The following HBS1L variants were observed in gnomAD, a reference collection of about 807,000 sequenced individuals.
HBS1L encodes the protein HBS1 like translational GTPase, also known as HBS1-like protein.
Under a neutral mutation model 88.9 loss-of-function variants are expected in HBS1L, and 55 were observed. The observed-to-expected ratio is 0.62, with a 90% CI of 0.50 to 0.77. HBS1L has a LOEUF of 0.77. Among genes scored for constraint, HBS1L ranks in the 30% least tolerant of loss-of-function variants. HBS1L has a pLI of 0.00. For synonymous variants in HBS1L, 267 were observed against 288.5 expected, an observed-to-expected ratio of 0.93 and a Z score of 0.76; for missense variants, 741 against 829.3, an observed-to-expected ratio of 0.89 and a Z score of 1.31.
At chr6:135,044,084 T>A (rs1776835747) in intron 2 of HBS1L, among the ~76,000 whole-genome samples, 1 of 152,202 alleles carries the variant, frequency 6.6e-6, no homozygotes, top group South Asian at 2.1e-4. Flanking sequence ...TGCTTGGCTC[T>A]CCAAGGTCTG....
At chr6:135,013,489 A>G (rs1277794307) in intron 4 of HBS1L, among the ~76,000 whole-genome samples, 1 of 152,224 alleles carries the variant, frequency 6.6e-6, no homozygotes, top group African/African-American at 2.4e-5. Context: ...CTCATTTAGA[A>G]CCATGTCTAA....
At position 134,964,983 on chromosome 6, in the gene HBS1L, G is replaced by GT; in HGVS notation, c.*295dup. 1 of 436,228 alleles carries GT rather than the reference G, an allele frequency of 2.3e-6. No homozygotes were observed. The highest frequency in any genetic ancestry group is 4.7e-5 in the East Asian group (1 of 21,188). 27.0% of individuals were successfully genotyped at this position (436,228 alleles called of 1,614,324 possible). On this transcript the variant is annotated 3_prime_UTR_variant, in exon 18 of 18. Coordinates refer to ENST00000367837, the MANE Select transcript of HBS1L (RefSeq NM_006620.4). ...GTAGAGTTCATTTCATGATGATTCA[G>GT]TATCTTCAGATACTATTTTTGACAC...
chr6:135,054,382 T>C (rs939473874), intron 1 of HBS1L, among the ~76,000 whole-genome samples: 3 of 152,102 alleles, frequency 2.0e-5, no homozygotes, highest in African/African-American at 7.2e-5. Context: ...TATCACCGGA[T>C]CTCAACCTCA....
intron 4 of HBS1L, among the ~76,000 whole-genome samples, chr6:135,034,734 C>A (rs1776484243): frequency 6.6e-6 from 1 of 152,132 alleles, no homozygotes; most frequent in Non-Finnish European, 1.5e-5. Flanking sequence ...ATGCAAAGGG[C>A]CATTAATTCC....
At chr6:135,054,580 G>A in intron 1 of HBS1L, 69 bp downstream of exon 1, 1 of 1,560,644 alleles carries the variant, frequency 6.4e-7, no homozygotes, top group Non-Finnish European at 8.8e-7. Flanking sequence ...AGATTGAAGT[G>A]GATGCCAACG....
chr6:134,986,555 CAT>C (rs1774984065), intron 10 of HBS1L, among the ~76,000 whole-genome samples, 179 bp downstream of exon 10: 2 of 151,924 alleles, frequency 1.3e-5, no homozygotes, highest in Non-Finnish European at 2.9e-5. Flanking sequence ...AAATATTAAA[CAT>C]ATGCAATTTT....
At chr6:135,044,448 AC>A (rs1000753239) in intron 2 of HBS1L, among the ~76,000 whole-genome samples, 4 of 152,182 alleles carry the variant, frequency 2.6e-5, no homozygotes, top group Non-Finnish European at 5.9e-5. Flanking sequence ...AGATAACAAC[AC>A]TGGTATAAGG....
intron 12 of HBS1L, among the ~76,000 whole-genome samples, chr6:134,984,849 T>C (rs1774933839): frequency 6.6e-6 from 1 of 152,160 alleles, no homozygotes; most frequent in African/African-American, 2.4e-5. Flanking sequence ...TAATAATTCT[T>C]TATATTACAT....
intron 4 of HBS1L, among the ~76,000 whole-genome samples, chr6:135,021,732 C>G (rs1039827966): frequency 5.9e-5 from 9 of 152,124 alleles, no homozygotes; most frequent in Non-Finnish European, 1.0e-4. Context: ...GAAAAGGGCA[C>G]TGGAGATTCA....
chr6:134,993,734 T>A (rs773438886), intron 8 of HBS1L, 24 bp downstream of exon 8: 3 of 1,117,110 alleles, frequency 2.7e-6, no homozygotes, highest in Non-Finnish European at 3.9e-6. Context: ...ATCAGCACAC[T>A]ATAGTGAAGA....
At chr6:134,984,636 A>G (rs906926150) in intron 12 of HBS1L, among the ~76,000 whole-genome samples, 2 of 152,112 alleles carry the variant, frequency 1.3e-5, no homozygotes, top group Non-Finnish European at 2.9e-5. Context: ...TAAATCTTAT[A>G]TCCTTTTATT....
intron 4 of HBS1L, 133 bp from the exon 5 acceptor site, chr6:135,002,975 A>T (rs1406457041): frequency 1.8e-6 from 1 of 542,238 alleles, no homozygotes; most frequent in East Asian, 3.2e-5. Flanking sequence ...CATTATCTCT[A>T]AAAAAATTTA....
chr6:134,982,409 C>T lies in HBS1L; in HGVS notation c.1597+49G>A, dbSNP rs569595418. 2.4e-4 allele frequency: 274 copies of T among 1,125,888 alleles called. 6 individuals carry two copies. The South Asian group carries it at 3.4e-3, about 14-fold the overall frequency. The allele number at this position is 1,125,888 out of a possible 1,614,324, so 69.7% of individuals were successfully genotyped here. ...AACTAAACCACTTTTTAAAAATCTG[C>T]TGTCTCAACTTAAGGCTTGTTTAGC... On this transcript the variant is annotated intron_variant, in intron 13 of 17. Transcript: ENST00000367837.
chr6:134,965,405 T>C, intron 17 of HBS1L, 115 bp from the exon 18 acceptor site: 1 of 721,332 alleles, frequency 1.4e-6, no homozygotes, highest in Non-Finnish European at 2.3e-6. Context: ...AATCTTTTTC[T>C]TTGTCCTGCA....
At chr6:135,020,719 C>A (rs1263917742) in intron 4 of HBS1L, among the ~76,000 whole-genome samples, 1 of 151,878 alleles carries the variant, frequency 6.6e-6, no homozygotes, top group African/African-American at 2.4e-5. Flanking sequence ...AAATGCCCAT[C>A]CCTTTTCATC....
At chr6:135,030,366 G>A (rs1776350427) in intron 4 of HBS1L, among the ~76,000 whole-genome samples, 1 of 152,006 alleles carries the variant, frequency 6.6e-6, no homozygotes, top group African/African-American at 2.4e-5. Context: ...AAGTGATATC[G>A]AAACTGCAAT....
At chr6:135,014,168 A>G (rs1775851489) in intron 4 of HBS1L, among the ~76,000 whole-genome samples, 1 of 152,006 alleles carries the variant, frequency 6.6e-6, no homozygotes, top group Non-Finnish European at 1.5e-5. Flanking sequence ...TGCCATGAAC[A>G]AACAGGAAAT....
At chr6:134,971,074 T>C (rs1328613279) in intron 15 of HBS1L, among the ~76,000 whole-genome samples, 2 of 150,550 alleles carry the variant, frequency 1.3e-5, no homozygotes, top group Non-Finnish European at 3.0e-5. Flanking sequence ...ATCTTAGACT[T>C]TGGGAACTTT....
At chr6:134,988,538 C>T (rs1345611095) in intron 8 of HBS1L, among the ~76,000 whole-genome samples, 1 of 150,580 alleles carries the variant, frequency 6.6e-6, no homozygotes, top group African/African-American at 2.4e-5. Context: ...TATAAATGGT[C>T]AACATGAAAA....
Sources: gnomAD v4.1 joint callset for allele counts (sites outside exome capture counted in the v4.1 genomes callset) on GRCh38, gnomAD v4.1.1 for gene constraint, MANE v1.5 for transcripts, NCBI Gene and HGNC (gene_info 2026-07-23, HGNC 2026-07-21) for gene names.